CTNND2: variants seen among roughly 807,000 people sequenced by gnomAD.
The protein encoded by CTNND2 is catenin delta 2.
Under a neutral mutation model 144.4 loss-of-function variants are expected in CTNND2, and 22 were observed. The ratio of observed to expected loss-of-function variants is 0.15; its 90% CI spans 0.11 to 0.22. The LOEUF (loss-of-function observed/expected upper bound fraction) is 0.22. Among genes scored for constraint, CTNND2 ranks in the 10% least tolerant of loss-of-function variants. CTNND2 has a pLI of 1.00. For missense variants in CTNND2, 1,353 were observed against 1,618.8 expected (o/e 0.84, Z 2.82); for synonymous variants, 751 against 695.6 (o/e 1.08, Z -1.25).
intron 2 of CTNND2, among the ~76,000 whole-genome samples, chr5:11,625,944 A>G (rs554138297): frequency 6.8e-6 from 1 of 147,898 alleles, no homozygotes; most frequent in Admixed American, 6.7e-5. Context: ...CAGATTATAA[A>G]TAAATTTAAC....
chr5:11,816,271 C>A (rs2126920476), intron 1 of CTNND2, among the ~76,000 whole-genome samples: 1 of 152,242 alleles, frequency 6.6e-6, no homozygotes, highest in Non-Finnish European at 1.5e-5. Context: ...CACTGGCTAC[C>A]TGAACACCAC....
chr5:11,427,786 T>C (rs31893), intron 3 of CTNND2, among the ~76,000 whole-genome samples: 113,114 of 151,578 alleles, frequency 0.75, 43,475 homozygotes, highest in East Asian at 0.87. Flanking sequence ...TCCCTCTTCA[T>C]GTCTGCAATC....
rs181867005 is a variant in CTNND2, at chr5:11,516,516, T to C, written c.287+48428A>G. Among the ~76,000 whole-genome samples, 29 of 151,032 alleles carry C rather than the reference T, an allele frequency of 1.9e-4. No individual in the cohort carries two copies. In the East Asian group the frequency reaches 5.6e-3, roughly 29 times the overall value. ...AAATTGCAAGGTACAAGATCAATAT[T>C]TTAAAAATTGTTTGCATTTCTATAC... On this transcript the variant is annotated intron_variant, in intron 3 of 21. Transcript: ENST00000304623.
At chr5:11,189,913 T>G (rs945269651) in intron 11 of CTNND2, among the ~76,000 whole-genome samples, 26 of 152,186 alleles carry the variant, frequency 1.7e-4, no homozygotes, top group African/African-American at 6.3e-4. Flanking sequence ...GTCAGTCTGT[T>G]TGGGGAAGCA....
chr5:11,397,589 A>G (rs927237676), intron 5 of CTNND2, among the ~76,000 whole-genome samples: 13 of 152,214 alleles, frequency 8.5e-5, no homozygotes, highest in African/African-American at 3.1e-4. Context: ...TAATATAATT[A>G]TATCTCCTAC....
intron 3 of CTNND2, among the ~76,000 whole-genome samples, chr5:11,535,469 A>G (rs1433689625): frequency 1.3e-5 from 2 of 152,166 alleles, no homozygotes; most frequent in African/African-American, 4.8e-5. Flanking sequence ...TAGTATCATG[A>G]TAACTATGAA....
chr5:11,862,678 T>C (rs1396496073), intron 1 of CTNND2, among the ~76,000 whole-genome samples: 2 of 152,312 alleles, frequency 1.3e-5, no homozygotes, highest in East Asian at 3.9e-4. Flanking sequence ...CCCTAGCCCT[T>C]ATTTCAAAAA....
intron 3 of CTNND2, among the ~76,000 whole-genome samples, chr5:11,514,866 G>A (rs547909947): frequency 1.3e-5 from 2 of 152,238 alleles, no homozygotes; most frequent in East Asian, 1.9e-4. Context: ...GCAGTGGTGC[G>A]ATCGTGGCTC....
intron 2 of CTNND2, among the ~76,000 whole-genome samples, chr5:11,689,332 G>C (rs1056558427): frequency 6.6e-6 from 1 of 152,196 alleles, no homozygotes; most frequent in East Asian, 1.9e-4. Context: ...TATTAAAAAT[G>C]ATGAACTGTT....
intron 3 of CTNND2, among the ~76,000 whole-genome samples, chr5:11,444,952 G>A (rs553896511): frequency 4.6e-5 from 7 of 152,170 alleles, no homozygotes; most frequent in East Asian, 1.9e-4. Context: ...ATTCAGGCCC[G>A]AGTGAGTGTG....
intron 1 of CTNND2, among the ~76,000 whole-genome samples, chr5:11,890,328 A>T (rs1199671652): frequency 6.6e-6 from 1 of 152,208 alleles, no homozygotes; most frequent in Non-Finnish European, 1.5e-5. Context: ...ATCATGAGAT[A>T]ACCTGCCTTT....
chr5:11,558,341 C>CGTGTGTGT lies in CTNND2; in HGVS notation c.287+6595_287+6602dup, dbSNP rs59741742. 6.8e-3 allele frequency among the ~76,000 whole-genome samples: 897 copies of CGTGTGTGT among 132,200 alleles called. 4 individuals are homozygous for CGTGTGTGT. Among genetic ancestry groups the CGTGTGTGT allele is most frequent in the South Asian group, 0.035 (128 of 3,682 alleles). The allele number at this position is 132,200 out of a possible 152,430, so 86.7% of individuals were successfully genotyped here. ...GGTAATACTTTGGCTGTGAGAAACA[C>CGTGTGTGT]GTGTGTGTGTGTGTGTGTGTGTGTG... is the stretch of plus-strand genomic sequence containing the variant. On this transcript the variant is annotated intron_variant, in intron 3 of 21. Coordinates refer to ENST00000304623, the MANE Select transcript of CTNND2 (RefSeq NM_001332.4).
intron 1 of CTNND2, among the ~76,000 whole-genome samples, chr5:11,737,531 AC>A (rs1176699620): frequency 2.0e-5 from 3 of 152,208 alleles, no homozygotes; most frequent in Non-Finnish European, 4.4e-5. Flanking sequence ...AGAACTTGGT[AC>A]CAACAAGTCC....
chr5:11,437,616 C>T (rs921103901), intron 3 of CTNND2, among the ~76,000 whole-genome samples: 2 of 152,000 alleles, frequency 1.3e-5, no homozygotes, highest in Non-Finnish European at 2.9e-5. Context: ...AGGGAAAGAG[C>T]ATTTGGGGTT....
At chr5:11,452,090 C>T (rs1007698434) in intron 3 of CTNND2, among the ~76,000 whole-genome samples, 3 of 152,178 alleles carry the variant, frequency 2.0e-5, no homozygotes, top group Admixed American at 1.3e-4. Context: ...GATTAGCTTA[C>T]TTTAATAATG....
At chr5:11,765,764 T>C (rs1450891669) in intron 1 of CTNND2, among the ~76,000 whole-genome samples, 2 of 152,124 alleles carry the variant, frequency 1.3e-5, no homozygotes, top group South Asian at 2.1e-4. Context: ...TTGATAGACA[T>C]AGGTTTTCCA....
intron 2 of CTNND2, among the ~76,000 whole-genome samples, chr5:11,719,996 G>A (rs2126714646): frequency 6.6e-6 from 1 of 152,214 alleles, no homozygotes; most frequent in Middle Eastern, 3.4e-3. Context: ...AGTGCAAAGA[G>A]CTTACCCAGC....
chr5:11,119,379 G>A (rs1175715880), intron 12 of CTNND2, among the ~76,000 whole-genome samples: 1 of 151,994 alleles, frequency 6.6e-6, no homozygotes, highest in African/African-American at 2.4e-5. Flanking sequence ...GCTGATCTTC[G>A]AATATAAACA....
intron 1 of CTNND2, among the ~76,000 whole-genome samples, chr5:11,892,668 C>T (rs1346516530): frequency 4.0e-5 from 6 of 151,852 alleles, no homozygotes; most frequent in East Asian, 3.9e-4. Flanking sequence ...CGGAGTTAGA[C>T]AGCACCTTCT....
Sources: allele counts gnomAD v4.1 joint callset (sites outside exome capture counted in the v4.1 genomes callset), GRCh38; gene constraint gnomAD v4.1.1; transcripts MANE v1.5; gene names NCBI Gene and HGNC (gene_info 2026-07-23, HGNC 2026-07-21).